The following GALNT17 variants were observed in gnomAD, a reference collection of about 807,000 sequenced individuals.
The protein encoded by GALNT17 is UDP-GalNAc:polypeptide N-acetylgalactosaminyltransferase-like 3.
Under a neutral mutation model 63.7 loss-of-function variants are expected in GALNT17, and 29 were observed. The observed-to-expected ratio is 0.46, with a 90% CI of 0.34 to 0.62. The LOEUF (loss-of-function observed/expected upper bound fraction) is 0.62, where lower values mean the gene tolerates loss of function less well. Among genes scored for constraint, GALNT17 ranks in the 20% least tolerant of loss-of-function variants. The probability of loss-of-function intolerance (pLI) is 0.01; values close to 1 mark genes in which losing one functional copy is unlikely to be tolerated. For missense variants in GALNT17, 603 were observed against 799.6 expected (o/e 0.75, Z 2.97); for synonymous variants, 305 against 318.3 (o/e 0.96, Z 0.45).
In GALNT17 at chr7:71,708,326, G is replaced by C. The variant is rs1172380191; in HGVS notation, c.1501-2435G>C. Among the ~76,000 whole-genome samples the C allele has an allele frequency of 4.6e-5, 7 of 152,106 alleles. No homozygotes were observed. The East Asian group carries it at 1.3e-3, about 29-fold the overall frequency. ...AGGGAGGAGCAAAGGGATGCCTTAT[G>C]GGGTGGCAGGGAAGAGAGCATGTGC... On this transcript the variant is annotated intron_variant, in intron 9 of 10. Transcript: ENST00000333538.
chr7:71,365,417 T>G (rs1417169220), intron 2 of GALNT17, among the ~76,000 whole-genome samples: 1 of 152,170 alleles, frequency 6.6e-6, no homozygotes, highest in South Asian at 2.1e-4. Context: ...TTTTTGTAGT[T>G]TTAGTAGAGA....
chr7:71,658,910 T>A, intron 6 of GALNT17, among the ~76,000 whole-genome samples: 1 of 151,758 alleles, frequency 6.6e-6, no homozygotes, highest in East Asian at 1.9e-4. Flanking sequence ...ATCCCTCAAA[T>A]CTATCTACAT....
At chr7:71,301,374 T>C (rs937130466) in intron 1 of GALNT17, among the ~76,000 whole-genome samples, 2 of 147,222 alleles carry the variant, frequency 1.4e-5, no homozygotes, top group African/African-American at 4.9e-5. Flanking sequence ...TACTAATAAT[T>C]ATATATAATA....
chr7:71,653,481 T>G (rs1790782719), intron 6 of GALNT17, among the ~76,000 whole-genome samples: 1 of 150,428 alleles, frequency 6.6e-6, no homozygotes, highest in Non-Finnish European at 1.5e-5. Context: ...TCTCAGCTTA[T>G]TGCAGCCTCT....
chr7:71,614,835 CAAAG>C (rs1562710903), intron 6 of GALNT17, among the ~76,000 whole-genome samples: 1 of 124,052 alleles, frequency 8.1e-6, no homozygotes, highest in African/African-American at 3.2e-5. Flanking sequence ...ATGAAAGAAA[CAAAG>C]AGGAGAGAGA....
chr7:71,418,615 C>T (rs1786595626), intron 4 of GALNT17, among the ~76,000 whole-genome samples: 2 of 152,314 alleles, frequency 1.3e-5, no homozygotes, highest in South Asian at 2.1e-4. Flanking sequence ...ATTTTGCTCA[C>T]ATCCCATTGG....
chr7:71,402,333 T>C (rs1294461234), intron 3 of GALNT17, among the ~76,000 whole-genome samples: 1 of 152,238 alleles, frequency 6.6e-6, no homozygotes, highest in African/African-American at 2.4e-5. Context: ...GTAAGACACT[T>C]GATGGTAAGA....
At chr7:71,335,865 A>G (rs1253842501) in intron 2 of GALNT17, 132 bp downstream of exon 2, 8 of 795,004 alleles carry the variant, frequency 1.0e-5, no homozygotes, top group Non-Finnish European at 1.4e-5. Context: ...CTCTTTAATA[A>G]ATAAACTTAG....
chr7:71,400,727 A>G (rs1273838814), intron 3 of GALNT17, among the ~76,000 whole-genome samples: 1 of 152,206 alleles, frequency 6.6e-6, no homozygotes, highest in African/African-American at 2.4e-5. Context: ...CCGATATGAA[A>G]TTCACTGTTT....
chr7:71,304,921 T>A (rs1448978470), intron 1 of GALNT17, among the ~76,000 whole-genome samples: 2 of 152,078 alleles, frequency 1.3e-5, no homozygotes, highest in East Asian at 3.9e-4. Context: ...TTTTTTGTAT[T>A]TTTAGTAGAC....
At chr7:71,258,949 T>G (rs1790333606) in intron 1 of GALNT17, among the ~76,000 whole-genome samples, 1 of 152,186 alleles carries the variant, frequency 6.6e-6, no homozygotes, top group African/African-American at 2.4e-5. Flanking sequence ...CTTGAAAGCC[T>G]ACAGGGTGGG....
At chr7:71,573,954 TCGATTAGGATAATGGCCTC>T (rs1365192889) in intron 6 of GALNT17, among the ~76,000 whole-genome samples, 1 of 152,170 alleles carries the variant, frequency 6.6e-6, no homozygotes, top group East Asian at 1.9e-4. Context: ...CTGCATTAAT[TCGATTAGGATAATGGCCTC>T]CAGCTCCATC....
At chr7:71,615,576 A>G (rs1790190076) in intron 6 of GALNT17, among the ~76,000 whole-genome samples, 1 of 150,536 alleles carries the variant, frequency 6.6e-6, no homozygotes, top group Non-Finnish European at 1.5e-5. Context: ...TCCTGGGCTC[A>G]AAGGATTCTC....
intron 9 of GALNT17, among the ~76,000 whole-genome samples, chr7:71,698,661 C>T (rs111475608): frequency 2.0e-4 from 31 of 151,886 alleles, no homozygotes; most frequent in African/African-American, 6.8e-4. Context: ...ATCAACCAAA[C>T]GCAACTAATC....
At chr7:71,375,262 G>A (rs1792700137) in intron 2 of GALNT17, among the ~76,000 whole-genome samples, 1 of 152,216 alleles carries the variant, frequency 6.6e-6, no homozygotes, top group Admixed American at 6.5e-5. Flanking sequence ...AGCTTGCAGG[G>A]CCAATTTGGG....
chr7:71,373,166 CTT>C (rs1792658145), intron 2 of GALNT17, among the ~76,000 whole-genome samples: 1 of 152,178 alleles, frequency 6.6e-6, no homozygotes, highest in African/African-American at 2.4e-5. Context: ...CAGTCAGGCT[CTT>C]TTCAGGAATG....
chr7:71,577,682 CA>C (rs1313511173), intron 6 of GALNT17, among the ~76,000 whole-genome samples: 2 of 152,150 alleles, frequency 1.3e-5, no homozygotes, highest in Non-Finnish European at 2.9e-5. Context: ...GGGCAAAGAA[CA>C]AGCGTATTTT....
intron 2 of GALNT17, among the ~76,000 whole-genome samples, chr7:71,356,783 C>CAT (rs78484950): frequency 2.0e-5 from 3 of 151,848 alleles, no homozygotes; most frequent in Non-Finnish European, 2.9e-5. Context: ...CTGCAGTGAG[C>CAT]ATATATATAT....
At chr7:71,493,568 C>G (rs1404173036) in intron 5 of GALNT17, among the ~76,000 whole-genome samples, 1 of 152,156 alleles carries the variant, frequency 6.6e-6, no homozygotes, top group African/African-American at 2.4e-5. Context: ...AGGGAAACCC[C>G]TTATACAACC....
Sources: allele counts gnomAD v4.1 joint callset (sites outside exome capture counted in the v4.1 genomes callset), GRCh38; gene constraint gnomAD v4.1.1; transcripts MANE v1.5; gene names NCBI Gene and HGNC (gene_info 2026-07-23, HGNC 2026-07-21).